OR56A1: variants seen among roughly 807,000 people sequenced by gnomAD.
The protein encoded by OR56A1 is olfactory receptor family 56 subfamily A member 1, also known as olfactory receptor 56A1.
For synonymous variants in OR56A1, 174 were observed against 159.1 expected, an observed-to-expected ratio of 1.09 and a Z score of -0.70; for missense variants, 360 against 380.9, an observed-to-expected ratio of 0.94 and a Z score of 0.46.
chr11:6,026,756 C>G lies in OR56A1; in HGVS notation c.937G>C (p.Gly313Arg). The G allele has an allele frequency of 6.3e-7, 1 of 1,583,288 alleles. No individual in the cohort carries two copies. Among genetic ancestry groups the G allele is most frequent in the East Asian group, 2.2e-5 (1 of 44,720 alleles). Residue 313 changes from glycine (G) to arginine (R), a missense_variant, in exon 2 of 2, where the codon GGG becomes CGG. Transcript: ENST00000641900. Reference protein sequence around the residue: ...KQGIQKLLQRGR With the variant: ...KQGIQKLLQRRR ...AGAAATGCTTTACATATTCACCTCC[C>G]TCTCTGCAGTAACTTCTGAATTCCC...
rs1312063448 is a variant in OR56A1, at chr11:6,027,725, GACT to G, written c.-34-2_-34del. 6.1e-6 allele frequency: 9 copies of G among 1,483,924 alleles called. No homozygotes were observed. Among genetic ancestry groups the G allele is most frequent in the Non-Finnish European group, 8.2e-6 (9 of 1,097,472 alleles). 91.9% of individuals were successfully genotyped at this position (1,483,924 alleles called of 1,614,324 possible). ...ATCATGAGCTGAGTAGGCTTCTGAT[GACT>G]ATGTTTATGGGCAGATACAAGAGGT... On this transcript the variant is annotated splice_acceptor_variant and 5_prime_UTR_variant, in exon 2 of 2. Transcript: ENST00000641900. LOFTEE classifies it low-confidence loss of function (5UTR_SPLICE).
At position 6,026,909 on chromosome 11, in the gene OR56A1, C is replaced by T. The variant is rs1198060053; in HGVS notation, c.784G>A (p.Val262Met). ...TTCTTTCTGGCCACGTTTGTCAACACCACAACCAGCAGTATGGTGCTGAAG... is the reference window on the plus strand; with the variant it reads ...TTCTTTCTGGCCACGTTTGTCAACATCACAACCAGCAGTATGGTGCTGAAG... ...LFFSTILLVV[V>M]LTNVARKKVP... Residue 262 changes from valine (V) to methionine (M), a missense_variant, in exon 2 of 2, where the codon GTG (valine) becomes ATG (methionine). Val to Met is a conservative substitution (Grantham distance 21, BLOSUM62 1). Coordinates refer to ENST00000641900, the MANE Select transcript of OR56A1 (RefSeq NM_001388488.1). The T allele has an allele frequency of 6.2e-7, 1 of 1,614,178 alleles. No homozygotes were observed. The highest frequency in any genetic ancestry group is 1.3e-5 in the African/African-American group (1 of 75,042).
rs1848414725 is a variant in OR56A1 at position 6,023,231 on chromosome 11, C to T, written c.*3517G>A. The T allele has an allele frequency of 6.6e-6, 1 of 152,150 alleles. No individual in the cohort carries two copies. The highest frequency in any genetic ancestry group is 1.5e-5 in the Non-Finnish European group (1 of 68,006). 9.4% of individuals were successfully genotyped at this position (152,150 alleles called of 1,614,324 possible). A position where few individuals can be genotyped will look rare whatever the true frequency, so the allele number is the denominator to read the frequency against. The stretch of plus-strand genomic sequence containing the variant: ...AACTTCAGACGTTGCTGTTTAAGTT[C>T]TACAGTTGCAGTCTTGATGCTATAA... On this transcript the variant is annotated 3_prime_UTR_variant, in exon 2 of 2. Coordinates refer to ENST00000641900, the MANE Select transcript of OR56A1 (RefSeq NM_001388488.1).
upstream of OR56A1, among the ~76,000 whole-genome samples, chr11:6,032,077 G>A (rs1039607801): frequency 6.6e-6 from 1 of 152,120 alleles, no homozygotes; most frequent in East Asian, 1.9e-4. Context: ...TATAATAAGG[G>A]TGTGTCATTG....
rs1054313761 is a variant in OR56A1, at chr11:6,020,583, A to T, written c.*6165T>A. The stretch of plus-strand genomic sequence containing the variant: ...TTTTTGTGTGGCAGCTGTGAATGGG[A>T]TTGCCTTTCTAATTTGAATCTCAGT... On this transcript the variant is annotated 3_prime_UTR_variant, in exon 2 of 2. Coordinates refer to ENST00000641900, the MANE Select transcript of OR56A1 (RefSeq NM_001388488.1). The T allele has an allele frequency of 2.0e-5, 3 of 152,028 alleles. No homozygotes were observed. Among genetic ancestry groups the T allele is most frequent in the Non-Finnish European group, 2.9e-5 (2 of 67,968 alleles). 9.4% of individuals were successfully genotyped at this position (152,028 alleles called of 1,614,324 possible). A position where few individuals can be genotyped will look rare whatever the true frequency, so the allele number is the denominator to read the frequency against.
At position 6,026,738 on chromosome 11, in the gene OR56A1, C is replaced by T. The variant is rs1459009289; in HGVS notation, c.*10G>A. On this transcript the variant is annotated 3_prime_UTR_variant, in exon 2 of 2. Transcript: ENST00000641900. Reference sequence around the variant, plus strand: ...GGAAGAACAGGAGGTATTAGAAATGCTTTACATATTCACCTCCCTCTCTGC... The same window carrying T: ...GGAAGAACAGGAGGTATTAGAAATGTTTTACATATTCACCTCCCTCTCTGC... 1.3e-5 allele frequency: 20 copies of T among 1,502,552 alleles called. No individual in the cohort carries two copies. The highest frequency in any genetic ancestry group is 1.8e-5 in the Admixed American group (1 of 54,508). The allele number at this position is 1,502,552 out of a possible 1,614,324, so 93.1% of individuals were successfully genotyped here. A position where few individuals can be genotyped will look rare whatever the true frequency, so the allele number is the denominator to read the frequency against.
intron 1 of OR56A1, among the ~76,000 whole-genome samples, chr11:6,030,372 G>C (rs1363183654): frequency 2.0e-5 from 3 of 147,976 alleles, no homozygotes; most frequent in Non-Finnish European, 4.6e-5. Flanking sequence ...AAGTTCATGA[G>C]GGAAGAAACC....
In OR56A1 at chr11:6,021,096, A is replaced by G. The variant is rs1848391260; in HGVS notation, c.*5652T>C. ...GTGGCATGGAGAAAGGGAGAAGACA[A>G]TATAGAAAAGAAAAGTAATGGAAAT... On this transcript the variant is annotated 3_prime_UTR_variant, in exon 2 of 2. Transcript: ENST00000641900. The G allele has an allele frequency of 6.6e-6, 1 of 152,134 alleles. No homozygotes were observed. Among genetic ancestry groups the G allele is most frequent in the African/African-American group, 2.4e-5 (1 of 41,442 alleles). The allele number at this position is 152,134 out of a possible 1,614,324, so 9.4% of individuals were successfully genotyped here.
rs551308188 is a variant in OR56A1 at position 6,022,508 on chromosome 11, T to G, written c.*4240A>C. 6.6e-6 allele frequency: 1 copy of G among 152,138 alleles called. No individual in the cohort carries two copies. Among genetic ancestry groups the G allele is most frequent in the Non-Finnish European group, 1.5e-5 (1 of 67,998 alleles). 9.4% of individuals were successfully genotyped at this position (152,138 alleles called of 1,614,324 possible). On this transcript the variant is annotated 3_prime_UTR_variant, in exon 2 of 2. Coordinates refer to ENST00000641900, the MANE Select transcript of OR56A1 (RefSeq NM_001388488.1). ...GTGTGGGTTTTTAGTGTACTCTGCC[T>G]TTGATATCTATAATCTGGAGTATGA...
At chr11:6,031,319 T>A (rs956059870), upstream of OR56A1, among the ~76,000 whole-genome samples, 1 of 152,124 alleles carries the variant, frequency 6.6e-6, no homozygotes, top group Non-Finnish European at 1.5e-5. Flanking sequence ...ATTTTAGAAC[T>A]AGTCATATGG....
At position 6,019,423 on chromosome 11, in the gene OR56A1, A is replaced by C. The variant is rs1848371881; in HGVS notation, c.*7325T>G. 6.6e-6 allele frequency: 1 copy of C among 152,172 alleles called. No homozygotes were observed. Among genetic ancestry groups the C allele is most frequent in the African/African-American group, 2.4e-5 (1 of 41,438 alleles). 9.4% of individuals were successfully genotyped at this position (152,172 alleles called of 1,614,324 possible). On this transcript the variant is annotated 3_prime_UTR_variant, in exon 2 of 2. Transcript: ENST00000641900. Reference sequence around the variant, plus strand: ...ATTAGTCCGTTTTCTCATGCTGCTGATAAAGACTTATCTGAAACTGGGCAA... The same window carrying C: ...ATTAGTCCGTTTTCTCATGCTGCTGCTAAAGACTTATCTGAAACTGGGCAA...
In OR56A1 at chr11:6,027,369, G is replaced by C. The variant is rs1341263180; in HGVS notation, c.324C>G (p.Asn108Lys). ...PACFLQMFIM[N>K]SFLPMESCTF... ...TGCAGGACTCCATGGGGAGGAAACT[G>C]TTCATGATGAACATCTGGAGGAAGC... Residue 108 changes from asparagine (N) to lysine (K), a missense_variant, in exon 2 of 2, where the codon AAC (asparagine) becomes AAG (lysine). Physicochemically the swap from Asn to Lys is moderately conservative, Grantham distance 94 (BLOSUM62 0). Coordinates refer to ENST00000641900, the MANE Select transcript of OR56A1 (RefSeq NM_001388488.1). 6.2e-7 allele frequency: 1 copy of C among 1,614,236 alleles called. No individual in the cohort carries two copies. The highest frequency in any genetic ancestry group is 2.2e-5 in the East Asian group (1 of 44,878).
upstream of OR56A1, among the ~76,000 whole-genome samples, chr11:6,033,938 T>C (rs187331580): frequency 4.2e-3 from 635 of 152,320 alleles, 8 homozygotes; most frequent in Non-Finnish European, 6.1e-3. Flanking sequence ...GTGACATAAT[T>C]GACCCAGCAT....
Position 6,020,293 on chromosome 11 carries a change from T to A in OR56A1, c.*6455A>T, listed in dbSNP as rs1848382254. 1 of 152,170 alleles carries A rather than the reference T, an allele frequency of 6.6e-6. No homozygotes were observed. The highest frequency in any genetic ancestry group is 1.5e-5 in the Non-Finnish European group (1 of 68,000). The allele number at this position is 152,170 out of a possible 1,614,324, so 9.4% of individuals were successfully genotyped here. A position where few individuals can be genotyped will look rare whatever the true frequency, so the allele number is the denominator to read the frequency against. On this transcript the variant is annotated 3_prime_UTR_variant, in exon 2 of 2. Transcript: ENST00000641900. ...ACTGAATTTCTTTGGCTATTCAGGC[T>A]CTTTTTTGGTTTCATATGAATTTTA...
Position 6,021,573 on chromosome 11 carries a change from T to A in OR56A1, c.*5175A>T, listed in dbSNP as rs1007975684. On this transcript the variant is annotated 3_prime_UTR_variant, in exon 2 of 2. Transcript: ENST00000641900. ...ATTTAAAGTACTGATACTAATATTT[T>A]ATAAGTAGAAAGTAGGTTCAAATGC... is the stretch of plus-strand genomic sequence containing the variant. 6.6e-6 allele frequency: 1 copy of A among 152,134 alleles called. No homozygotes were observed. Among genetic ancestry groups the A allele is most frequent in the Non-Finnish European group, 1.5e-5 (1 of 68,000 alleles). The allele number at this position is 152,134 out of a possible 1,614,324, so 9.4% of individuals were successfully genotyped here. A position where few individuals can be genotyped will look rare whatever the true frequency, so the allele number is the denominator to read the frequency against.
At position 6,027,041 on chromosome 11, in the gene OR56A1, A is replaced by G; in HGVS notation, c.652T>C (p.Phe218Leu). ...TLLGSDLFLIFLSYTFILRAV... is the reference protein window; with the variant it reads ...TLLGSDLFLILLSYTFILRAV... ...CTTAGAATGAAGGTGTAAGAGAGGAAGATGAGGAATAAATCTGAGCCCAGC... is the reference window on the plus strand; with the variant it reads ...CTTAGAATGAAGGTGTAAGAGAGGAGGATGAGGAATAAATCTGAGCCCAGC... The change falls in exon 2 of 2, where the codon TTC (phenylalanine) becomes CTC (leucine). Residue 218 changes from phenylalanine to leucine, a missense_variant. Coordinates refer to ENST00000641900, the MANE Select transcript of OR56A1 (RefSeq NM_001388488.1). The G allele has an allele frequency of 6.2e-7, 1 of 1,614,220 alleles. No homozygotes were observed. The highest frequency in any genetic ancestry group is 8.5e-7 in the Non-Finnish European group (1 of 1,180,022).
rs1392125782 is a variant in OR56A1 at position 6,022,053 on chromosome 11, CA to C, written c.*4694del. 1 of 152,114 alleles carries C rather than the reference CA, an allele frequency of 6.6e-6. No individual in the cohort carries two copies. Among genetic ancestry groups the C allele is most frequent in the Non-Finnish European group, 1.5e-5 (1 of 68,004 alleles). 9.4% of individuals were successfully genotyped at this position (152,114 alleles called of 1,614,324 possible). A position where few individuals can be genotyped will look rare whatever the true frequency, so the allele number is the denominator to read the frequency against. ...TGGATTTTTTGCTGCATAGAGTAAT[CA>C]GATGAGAGCTTGGGTGGTCTCCCTT... On this transcript the variant is annotated 3_prime_UTR_variant, in exon 2 of 2. Transcript: ENST00000641900.
In OR56A1 at chr11:6,019,660, A is replaced by T. The variant is rs1055155358; in HGVS notation, c.*7088T>A. The T allele has an allele frequency of 2.0e-5, 3 of 152,008 alleles. No homozygotes were observed. The highest frequency in any genetic ancestry group is 7.2e-5 in the African/African-American group (3 of 41,400). 9.4% of individuals were successfully genotyped at this position (152,008 alleles called of 1,614,324 possible). On this transcript the variant is annotated 3_prime_UTR_variant, in exon 2 of 2. Transcript: ENST00000641900. ...CATGAGAATTATGGGTGCAGGAAAG[A>T]CCCACCCCCATAATTAAATTGCCTC...
Position 6,024,913 on chromosome 11 carries a change from C to T in OR56A1, c.*1835G>A, listed in dbSNP as rs1453911821. On this transcript the variant is annotated 3_prime_UTR_variant, in exon 2 of 2. Transcript: ENST00000641900. Reference sequence around the variant, plus strand: ...CCAAGCCTGAAGGTACTAAGAGCCCCTTCCTGTAAGCCAATGGGTATAATT... The same window carrying T: ...CCAAGCCTGAAGGTACTAAGAGCCCTTTCCTGTAAGCCAATGGGTATAATT... 1.3e-5 allele frequency: 2 copies of T among 152,198 alleles called. No individual in the cohort carries two copies. The highest frequency in any genetic ancestry group is 4.8e-5 in the African/African-American group (2 of 41,442). The allele number at this position is 152,198 out of a possible 1,614,324, so 9.4% of individuals were successfully genotyped here.
Sources: allele counts gnomAD v4.1 joint callset (sites outside exome capture counted in the v4.1 genomes callset), GRCh38; gene constraint gnomAD v4.1.1; transcripts MANE v1.5; gene names NCBI Gene and HGNC (gene_info 2026-07-23, HGNC 2026-07-21).